Variants in TRAF3IP3 observed in about 807,000 individuals in gnomAD.
TRAF3IP3 encodes the protein TRAF3 interacting protein 3, also known as TRAF3-interacting JNK-activating modulator.
In TRAF3IP3, 64 loss-of-function variants were observed where a neutral mutation model predicts 86.5. That is an observed-to-expected ratio of 0.74 (90% CI 0.60 to 0.91). The LOEUF (loss-of-function observed/expected upper bound fraction) is 0.91. Among genes scored for constraint, TRAF3IP3 ranks in the 40% least tolerant of loss-of-function variants. The pLI is 0.00. For missense variants in TRAF3IP3, 579 were observed against 642.9 expected (o/e 0.90, Z 1.07); for synonymous variants, 220 against 243.9 (o/e 0.90, Z 0.91).
chr1:209,759,556 G>A (rs139728091), intron 2 of TRAF3IP3, among the ~76,000 whole-genome samples: 1 of 152,286 alleles, frequency 6.6e-6, no homozygotes, highest in African/African-American at 2.4e-5. Context: ...TTCAACTGGG[G>A]GATAAGAGGG....
intron 4 of TRAF3IP3, 69 bp from the exon 5 acceptor site, chr1:209,762,744 C>G (rs948833746): frequency 1.8e-6 from 2 of 1,097,314 alleles, no homozygotes; most frequent in African/African-American, 1.1e-4. Context: ...AATGGAGAGT[C>G]CCTGTCCCTC....
intron 14 of TRAF3IP3, chr1:209,779,808 A>T: frequency 2.6e-6 from 1 of 390,046 alleles, no homozygotes; most frequent in East Asian, 4.9e-5. Flanking sequence ...CAGAGGGGCA[A>T]TAGCTCCTCA....
chr1:209,758,493 C>T (rs2077191788), intron 1 of TRAF3IP3: 1 of 152,230 alleles, frequency 6.6e-6, no homozygotes, highest in African/African-American at 2.4e-5. Context: ...AAACAAGAAT[C>T]CTGCAGAGAA....
chr1:209,780,482 C>A lies in TRAF3IP3; in HGVS notation c.1325C>A (p.Pro442His). The A allele has an allele frequency of 6.3e-7, 1 of 1,591,840 alleles. No homozygotes were observed. Among genetic ancestry groups the A allele is most frequent in the South Asian group, 1.1e-5 (1 of 88,570 alleles). ...GCTGCTTTTTTAGATCAGGCTTTGC[C>A]CGTGTGGAGTCCAAAGTCCTTCCCT... Reference protein sequence around the residue: ...KLLTKKDQALPVWSPKSFPNE... With the variant: ...KLLTKKDQALHVWSPKSFPNE... Residue 442 changes from proline to histidine, a missense_variant, in exon 15 of 17, where the codon CCC (proline) becomes CAC (histidine). Coordinates refer to ENST00000367025, the MANE Select transcript of TRAF3IP3 (RefSeq NM_025228.4).
At position 209,759,989 on chromosome 1, in the gene TRAF3IP3, C is replaced by A; in HGVS notation, c.-51C>A. The A allele has an allele frequency of 6.8e-7, 1 of 1,474,694 alleles. No individual in the cohort carries two copies. The allele number at this position is 1,474,694 out of a possible 1,614,324, so 91.4% of individuals were successfully genotyped here. A position where few individuals can be genotyped will look rare whatever the true frequency, so the allele number is the denominator to read the frequency against. On this transcript the variant is annotated 5_prime_UTR_variant, in exon 3 of 17. Coordinates refer to ENST00000367025, the MANE Select transcript of TRAF3IP3 (RefSeq NM_025228.4). ...CCTCTTGGCATTTGGCAGATCCAGG[C>A]ATCTATTCCAGGAACTGGAAGCCAA...
chr1:209,770,860 A>AGT (rs1208167712), intron 8 of TRAF3IP3, among the ~76,000 whole-genome samples: 9 of 108,832 alleles, frequency 8.3e-5, no homozygotes, highest in South Asian at 3.2e-4. Context: ...TGCATGTGAA[A>AGT]GTGTGTGTGT....
At chr1:209,763,416 C>T (rs1330741725) in intron 7 of TRAF3IP3, 24 bp downstream of exon 7, 1 of 1,613,696 alleles carries the variant, frequency 6.2e-7, no homozygotes, top group Non-Finnish European at 8.5e-7. Flanking sequence ...GACCCCTCCC[C>T]TCAGTTCCTC....
At chr1:209,771,496 T>C (rs1355991346) in intron 8 of TRAF3IP3, among the ~76,000 whole-genome samples, 1 of 103,662 alleles carries the variant, frequency 9.6e-6, no homozygotes, top group Admixed American at 8.5e-5. Context: ...TGCGTGTGCA[T>C]GTGAAGGTGT....
At chr1:209,757,387 C>T (rs1157642951) in intron 1 of TRAF3IP3, among the ~76,000 whole-genome samples, 3 of 152,200 alleles carry the variant, frequency 2.0e-5, no homozygotes, top group Admixed American at 6.5e-5. Flanking sequence ...GTTCTGCCTC[C>T]ACTACAAAAC....
At chr1:209,765,691 A>G (rs1359993039) in intron 8 of TRAF3IP3, among the ~76,000 whole-genome samples, 1 of 152,132 alleles carries the variant, frequency 6.6e-6, no homozygotes, top group Non-Finnish European at 1.5e-5. Flanking sequence ...AAAAAGAACC[A>G]TATTTTCAAA....
At chr1:209,773,101 G>T in intron 9 of TRAF3IP3, 82 bp downstream of exon 9, 4 of 1,216,248 alleles carry the variant, frequency 3.3e-6, no homozygotes, top group South Asian at 1.4e-5. Flanking sequence ...TCTTACTTTC[G>T]AGAAACACCA....
intron 9 of TRAF3IP3, among the ~76,000 whole-genome samples, chr1:209,774,245 T>A (rs367560724): frequency 2.0e-5 from 3 of 152,346 alleles, no homozygotes; most frequent in African/African-American, 7.2e-5. Flanking sequence ...AATTTTATAA[T>A]GCAAATGTAT....
Position 209,780,562 on chromosome 1 carries a change from C to G in TRAF3IP3, c.1405C>G (p.Gln469Glu), listed in dbSNP as rs181244551. Residue 469 changes from glutamine (Q) to glutamate (E), a missense_variant, in exon 15 of 17, where the codon CAG (glutamine) becomes GAG (glutamate). Physicochemically the swap from Gln to Glu is conservative, Grantham distance 29 (BLOSUM62 2). Coordinates refer to ENST00000367025, the MANE Select transcript of TRAF3IP3 (RefSeq NM_025228.4). ...GKEKDWDLRD[Q>E]LQKKTLQLQA... The stretch of plus-strand genomic sequence containing the variant: ...GGAGAAAGACTGGGATCTCAGAGAC[C>G]AGCTGCAAAAGAAGACTTTGCAGCT... 83 of 1,599,580 alleles carry G rather than the reference C, an allele frequency of 5.2e-5. 1 individual carries two copies. In the East Asian group the frequency reaches 1.7e-3, roughly 33 times the overall value.
intron 7 of TRAF3IP3, 43 bp from the exon 8 acceptor site, chr1:209,763,449 C>G (rs1182975777): frequency 6.2e-7 from 1 of 1,613,106 alleles, no homozygotes; most frequent in South Asian, 1.1e-5. Context: ...CCCGATCCTC[C>G]AGGTTAATCT....
intron 5 of TRAF3IP3, 68 bp downstream of exon 5, chr1:209,762,938 C>T: frequency 6.2e-7 from 1 of 1,607,830 alleles, no homozygotes; most frequent in Non-Finnish European, 8.5e-7. Context: ...AATGAATTTC[C>T]ATGTCCGCCT....
Position 209,760,267 on chromosome 1 carries a change from G to A in TRAF3IP3, c.228G>A (p.Lys76=). Residue 76 remains lysine, a synonymous_variant, in exon 3 of 17, where the codon AAG becomes AAA. Transcript: ENST00000367025. The part of the protein sequence containing the change: ...FRRRNLELEE[K]GKAQHPQARE... ...GGAGGAACCTGGAGCTAGAGGAGAAGGGCAAAGCGCAGCATCCCCAGGCCA... is the reference window on the plus strand; with the variant it reads ...GGAGGAACCTGGAGCTAGAGGAGAAAGGCAAAGCGCAGCATCCCCAGGCCA... The A allele has an allele frequency of 6.2e-7, 1 of 1,614,256 alleles. No individual in the cohort carries two copies. Among genetic ancestry groups the A allele is most frequent in the Non-Finnish European group, 8.5e-7 (1 of 1,180,044 alleles).
At chr1:209,771,158 TGTGTGCATGTGGAGGTGTGC>T (rs1558020548) in intron 8 of TRAF3IP3, among the ~76,000 whole-genome samples, 1 of 120,568 alleles carries the variant, frequency 8.3e-6, no homozygotes, top group African/African-American at 3.2e-5. Flanking sequence ...ATGTGAAGGT[TGTGTGCATGTGGAGGTGTGC>T]GTGCGCATGT....
chr1:209,768,912 G>A (rs966437322), intron 8 of TRAF3IP3, among the ~76,000 whole-genome samples: 3 of 152,314 alleles, frequency 2.0e-5, no homozygotes, highest in South Asian at 2.1e-4. Context: ...CAGAGCTGTG[G>A]AAAGAGGTTT....
chr1:209,769,847 A>G (rs1015817803), intron 8 of TRAF3IP3, among the ~76,000 whole-genome samples: 2 of 152,238 alleles, frequency 1.3e-5, no homozygotes, highest in Non-Finnish European at 2.9e-5. Context: ...CTGGTTGGAA[A>G]AAGCCAGAGA....
Sources: gnomAD v4.1 joint callset for allele counts (sites outside exome capture counted in the v4.1 genomes callset) on GRCh38, gnomAD v4.1.1 for gene constraint, MANE v1.5 for transcripts, NCBI Gene and HGNC (gene_info 2026-07-23, HGNC 2026-07-21) for gene names.